The following PSTPIP2 variants were observed in gnomAD, a reference collection of about 807,000 sequenced individuals.
The protein encoded by PSTPIP2 is proline-serine-threonine phosphatase interacting protein 2.
In PSTPIP2, 33 loss-of-function variants were observed where a neutral mutation model predicts 63.3. That is an observed-to-expected ratio of 0.52 (90% confidence interval 0.40 to 0.70). The LOEUF is 0.70. Ranked by LOEUF, PSTPIP2 falls within the 30% of genes least tolerant of loss-of-function variation. The pLI, the probability that PSTPIP2 is intolerant of heterozygous loss-of-function variation, is 0.00. For synonymous variants in PSTPIP2, 125 were observed against 132.7 expected (o/e 0.94, Z 0.40); for missense variants, 312 against 400.7 (o/e 0.78, Z 1.89).
chr18:46,032,481 C>T (rs958757953), intron 2 of PSTPIP2, among the ~76,000 whole-genome samples: 1 of 152,036 alleles, frequency 6.6e-6, no homozygotes, highest in Non-Finnish European at 1.5e-5. Context: ...AGGCTGGGTG[C>T]CGTGGCTCAC....
At chr18:46,063,551 T>C (rs1164365607) in intron 1 of PSTPIP2, among the ~76,000 whole-genome samples, 2 of 151,932 alleles carry the variant, frequency 1.3e-5, no homozygotes, top group African/African-American at 4.8e-5. Flanking sequence ...GTGCAAAAGC[T>C]TGAGGGCCTG....
At chr18:46,049,725 C>T (rs1278770211) in intron 1 of PSTPIP2, among the ~76,000 whole-genome samples, 5 of 152,038 alleles carry the variant, frequency 3.3e-5, no homozygotes, top group Non-Finnish European at 2.9e-5. Context: ...GCTAAAAATA[C>T]AAAAATTAGC....
chr18:46,065,851 C>T (rs1909171984), intron 1 of PSTPIP2, among the ~76,000 whole-genome samples: 1 of 152,048 alleles, frequency 6.6e-6, no homozygotes, highest in African/African-American at 2.4e-5. Context: ...ATCCACCCGC[C>T]TTGGCCTCCC....
chr18:46,050,049 T>A (rs1000885548), intron 1 of PSTPIP2, among the ~76,000 whole-genome samples: 4 of 152,070 alleles, frequency 2.6e-5, no homozygotes, highest in African/African-American at 9.7e-5. Flanking sequence ...ATCCATCAAA[T>A]TAGGAAAGGT....
At chr18:46,016,585 G>A (rs991325794) in intron 3 of PSTPIP2, among the ~76,000 whole-genome samples, 2 of 152,162 alleles carry the variant, frequency 1.3e-5, no homozygotes, top group Non-Finnish European at 2.9e-5. Flanking sequence ...TCTAATGGAG[G>A]AGACAGACAT....
At chr18:46,065,672 G>A (rs1018396477) in intron 1 of PSTPIP2, among the ~76,000 whole-genome samples, 5 of 152,026 alleles carry the variant, frequency 3.3e-5, no homozygotes, top group African/African-American at 7.2e-5. Flanking sequence ...TCACCATATC[G>A]GCCAGGCTGG....
Position 46,040,051 on chromosome 18 carries a change from G to T in PSTPIP2, c.34-4C>A, listed in dbSNP as rs1258785761. The T allele has an allele frequency of 1.3e-6, 2 of 1,593,292 alleles. No individual in the cohort carries two copies. Among genetic ancestry groups the T allele is most frequent in the Non-Finnish European group, 1.7e-6 (2 of 1,168,376 alleles). On this transcript the variant is annotated splice_polypyrimidine_tract_variant and splice_region_variant and intron_variant, in intron 1 of 14. Coordinates refer to ENST00000409746, the MANE Select transcript of PSTPIP2 (RefSeq NM_024430.4). ...TGGTGCTGAGGATGTCTGCACTCTG[G>T]GGGAAAGACAACATGGCATCAGACC...
chr18:46,011,404 A>C (rs2051795417), intron 4 of PSTPIP2, 117 bp from the exon 5 acceptor site: 1 of 803,148 alleles, frequency 1.2e-6, no homozygotes, highest in Admixed American at 2.4e-5. Flanking sequence ...TAAAATCAAC[A>C]TCACTTCATT....
intron 1 of PSTPIP2, among the ~76,000 whole-genome samples, chr18:46,041,689 A>T (rs1428213999): frequency 6.6e-6 from 1 of 152,160 alleles, no homozygotes; most frequent in African/African-American, 2.4e-5. Flanking sequence ...AAATCAGTCC[A>T]CTAAATAACA....
chr18:46,070,903 C>T (rs1909370329), intron 1 of PSTPIP2, among the ~76,000 whole-genome samples: 1 of 152,166 alleles, frequency 6.6e-6, no homozygotes, highest in Non-Finnish European at 1.5e-5. Context: ...ATTTCTGGGG[C>T]CCACATCTCA....
rs779586897 is a variant in PSTPIP2, at chr18:45,997,736, C to T, written c.642+13G>A. ...ACCCACCCCAGTCCTGAGCAGCTTC[C>T]GGTTACGGGTACCTCGCAGGCCTTG... On this transcript the variant is annotated intron_variant, in intron 9 of 14. Coordinates refer to ENST00000409746, the MANE Select transcript of PSTPIP2 (RefSeq NM_024430.4). The T allele has an allele frequency of 2.7e-5, 40 of 1,493,058 alleles. No homozygotes were observed. Among genetic ancestry groups the T allele is most frequent in the African/African-American group, 1.4e-4 (9 of 66,212 alleles). The allele number at this position is 1,493,058 out of a possible 1,614,324, so 92.5% of individuals were successfully genotyped here.
intron 1 of PSTPIP2, among the ~76,000 whole-genome samples, chr18:46,069,433 C>T (rs1909311875): frequency 6.6e-6 from 1 of 152,190 alleles, no homozygotes; most frequent in African/African-American, 2.4e-5. Context: ...AAACAACACA[C>T]AGGTATGTAC....
Position 46,065,136 on chromosome 18 carries a change from C to G in PSTPIP2, c.33+7020G>C, listed in dbSNP as rs1335071373. 4.2e-5 allele frequency among the ~76,000 whole-genome samples: 4 copies of G among 96,332 alleles called. No individual in the cohort carries two copies. The East Asian group carries it at 1.0e-3, about 25-fold the overall frequency. The allele number at this position is 96,332 out of a possible 152,430, so 63.2% of individuals were successfully genotyped here. On this transcript the variant is annotated intron_variant, in intron 1 of 14. Coordinates refer to ENST00000409746, the MANE Select transcript of PSTPIP2 (RefSeq NM_024430.4). The stretch of plus-strand genomic sequence containing the variant: ...TTCAGCATGGGCAACAAGAACGAAA[C>G]TCTGTCTCAAAAAAAAAAAAAAAAA...
intron 6 of PSTPIP2, 77 bp downstream of exon 6, chr18:46,005,392 G>T: frequency 8.6e-7 from 1 of 1,163,944 alleles, no homozygotes; most frequent in Non-Finnish European, 1.2e-6. Flanking sequence ...TATTTGAGTA[G>T]GAATATGTTC....
At chr18:46,058,312 G>C (rs1484159605) in intron 1 of PSTPIP2, among the ~76,000 whole-genome samples, 2 of 151,902 alleles carry the variant, frequency 1.3e-5, no homozygotes, top group Non-Finnish European at 2.9e-5. Flanking sequence ...CATCTGTATT[G>C]TTTTGATATT....
chr18:46,043,165 C>T (rs1410272317), intron 1 of PSTPIP2, among the ~76,000 whole-genome samples: 2 of 146,916 alleles, frequency 1.4e-5, no homozygotes, highest in East Asian at 2.0e-4. Flanking sequence ...GCGGGAGGAT[C>T]GCTTGAGCTC....
At chr18:46,062,099 AAGTT>A (rs1273847449) in intron 1 of PSTPIP2, among the ~76,000 whole-genome samples, 1 of 152,164 alleles carries the variant, frequency 6.6e-6, no homozygotes, top group Non-Finnish European at 1.5e-5. Context: ...CTAAGCTCAG[AAGTT>A]AGTTAGGCTC....
At chr18:46,063,749 C>A (rs1311339200) in intron 1 of PSTPIP2, among the ~76,000 whole-genome samples, 3 of 151,634 alleles carry the variant, frequency 2.0e-5, no homozygotes, top group Non-Finnish European at 4.4e-5. Flanking sequence ...AGAAAATAAC[C>A]AAATGTGCAC....
chr18:46,055,304 G>A (rs1257352486), intron 1 of PSTPIP2, among the ~76,000 whole-genome samples: 3 of 152,090 alleles, frequency 2.0e-5, no homozygotes, highest in Non-Finnish European at 4.4e-5. Flanking sequence ...CTCTCCCAAA[G>A]ATGTCCAAAT....
Sources: gnomAD v4.1 joint callset for allele counts (sites outside exome capture counted in the v4.1 genomes callset) on GRCh38, gnomAD v4.1.1 for gene constraint, MANE v1.5 for transcripts, NCBI Gene and HGNC (gene_info 2026-07-23, HGNC 2026-07-21) for gene names.